The following KANK2 variants were observed in gnomAD, a reference collection of about 807,000 sequenced individuals.
KANK2 encodes KN motif and ankyrin repeat domains 2.
A neutral mutation model predicts 74.6 loss-of-function variants in KANK2; 41 were observed. The observed-to-expected ratio is 0.55, with a 90% CI of 0.43 to 0.71. The LOEUF (loss-of-function observed/expected upper bound fraction) is 0.71, where lower values mean the gene tolerates loss of function less well. Ranked by LOEUF, KANK2 falls within the 30% of genes least tolerant of loss-of-function variation. The pLI is 0.00. For missense variants in KANK2, 1,148 were observed against 1,196.4 expected (o/e 0.96, Z 0.60); for synonymous variants, 537 against 519.0 (o/e 1.03, Z -0.47).
intron 4 of KANK2, 107 bp from the exon 5 acceptor site, chr19:11,178,827 G>T: frequency 3.0e-6 from 3 of 1,012,558 alleles, no homozygotes; most frequent in Non-Finnish European, 2.8e-6. Context: ...GCTGATTTTT[G>T]TGTTACCACA....
At chr19:11,168,452 T>G (rs576999637) in intron 12 of KANK2, among the ~76,000 whole-genome samples, 1 of 151,992 alleles carries the variant, frequency 6.6e-6, no homozygotes, top group East Asian at 1.9e-4. Flanking sequence ...TGCACCTGTA[T>G]TTTTGGGGGA....
intron 12 of KANK2, 78 bp from the exon 13 acceptor site, chr19:11,166,689 G>T: frequency 1.4e-6 from 2 of 1,395,050 alleles, no homozygotes; most frequent in Non-Finnish European, 2.0e-6. Context: ...GGCTGGCCTG[G>T]TAGATATGAT....
chr19:11,192,702 T>C, intron 4 of KANK2, 129 bp downstream of exon 4: 1 of 1,164,564 alleles, frequency 8.6e-7, no homozygotes, highest in Non-Finnish European at 1.3e-6. Context: ...CCCAAAGTGC[T>C]GGGATTACAG....
chr19:11,174,635 C>A lies in KANK2; in HGVS notation c.1906G>T (p.Ala636Ser). ...EWLRLACRSD[A>S]HPELVRRHLV... ...TGCCGCCGCACCAGCTCGGGGTGTG[C>A]GTCGCTGCGGCAGGCCAGGCGCAGC... Residue 636 changes from alanine to serine, a missense_variant, in exon 9 of 13, where the codon GCA becomes TCA. Coordinates refer to ENST00000586659, the MANE Select transcript of KANK2 (RefSeq NM_001136191.3). The A allele has an allele frequency of 6.2e-7, 1 of 1,611,408 alleles. No individual in the cohort carries two copies. Among genetic ancestry groups the A allele is most frequent in the Non-Finnish European group, 8.5e-7 (1 of 1,179,316 alleles).
rs2078417958 is a variant in KANK2 at position 11,178,555 on chromosome 19, G to C, written c.1415C>G (p.Thr472Ser). The stretch of plus-strand genomic sequence containing the variant: ...CTTGGCGGCCACCCACCACTTACCG[G>C]TGCCCCCGGCCTCCTCGGACTCTTG... ...ASQESEEAGGTGGPPAGVRSI... is the reference protein window; with the variant it reads ...ASQESEEAGGSGGPPAGVRSI... Residue 472 changes from threonine (T) to serine (S), a missense_variant and splice_region_variant, in exon 5 of 13, where the codon ACC becomes AGC. Coordinates refer to ENST00000586659, the MANE Select transcript of KANK2 (RefSeq NM_001136191.3). 6 of 1,603,608 alleles carry C rather than the reference G, an allele frequency of 3.7e-6. No individual in the cohort carries two copies. The highest frequency in any genetic ancestry group is 5.1e-6 in the Non-Finnish European group (6 of 1,176,404).
intron 4 of KANK2, among the ~76,000 whole-genome samples, chr19:11,182,864 TA>T (rs1352274585): frequency 9.3e-6 from 1 of 107,106 alleles, no homozygotes; most frequent in African/African-American, 3.5e-5. Context: ...AAAAAAAAAG[TA>T]AAAAAAATCA....
rs1568638304 is a variant in KANK2, at chr19:11,164,717, TCCA to T, written c.*1838_*1840del. ...CAAACACCATCTATCTATTCATCCA[TCCA>T]TCCATCCATCCATCCATCCATCCAT... On this transcript the variant is annotated 3_prime_UTR_variant, in exon 13 of 13. Coordinates refer to ENST00000586659, the MANE Select transcript of KANK2 (RefSeq NM_001136191.3). 7 of 106,828 alleles carry T rather than the reference TCCA, an allele frequency of 6.6e-5. No individual in the cohort carries two copies. The highest frequency in any genetic ancestry group is 4.5e-4 in the Admixed American group (4 of 8,818). The allele number at this position is 106,828 out of a possible 1,614,324, so 6.6% of individuals were successfully genotyped here. A position where few individuals can be genotyped will look rare whatever the true frequency, so the allele number is the denominator to read the frequency against.
intron 1 of KANK2, chr19:11,196,443 C>T (rs2079022249): frequency 6.6e-6 from 1 of 152,356 alleles, no homozygotes; most frequent in Non-Finnish European, 1.5e-5. Context: ...GCAGAGGGTA[C>T]AGAAAGGTAC....
intron 4 of KANK2, among the ~76,000 whole-genome samples, chr19:11,180,486 A>G (rs1021753960): frequency 1.9e-4 from 29 of 152,012 alleles, no homozygotes; most frequent in African/African-American, 6.5e-4. Flanking sequence ...AATGCTGGAC[A>G]TAGGCAAAGA....
At position 11,192,844 on chromosome 19, in the gene KANK2, G is replaced by A. The variant is rs747084472; in HGVS notation, c.1236C>T (p.Cys412=). 6.9e-6 allele frequency: 11 copies of A among 1,596,954 alleles called. No individual in the cohort carries two copies. The highest frequency in any genetic ancestry group is 1.7e-5 in the Admixed American group (1 of 57,778). The part of the protein sequence containing the change: ...VKKISITERS[C]DGAAGLPEVP... ...GCGACCGCTTACCTGCTGCTCCATCGCAGCTTCGCTCTGTGATGCTAATCT... is the reference window on the plus strand; with the variant it reads ...GCGACCGCTTACCTGCTGCTCCATCACAGCTTCGCTCTGTGATGCTAATCT... Residue 412 remains cysteine, a synonymous_variant, in exon 4 of 13, where the codon TGC becomes TGT. Transcript: ENST00000586659.
chr19:11,195,119 G>A (rs912238578), intron 2 of KANK2: 5 of 152,478 alleles, frequency 3.3e-5, no homozygotes, highest in African/African-American at 1.2e-4. Flanking sequence ...GACTGGGTCG[G>A]GGGGAAGGGG....
At chr19:11,194,830 G>A in intron 2 of KANK2, 1 of 262,674 alleles carries the variant, frequency 3.8e-6, no homozygotes. Flanking sequence ...GCCCTGGACA[G>A]GCTCCAGCTG....
intron 1 of KANK2, chr19:11,196,392 A>G (rs2079020878): frequency 6.6e-6 from 1 of 152,334 alleles, no homozygotes; most frequent in Non-Finnish European, 1.5e-5. Context: ...TGACAATTCT[A>G]TGAGATGGGC....
rs200093308 is a variant in KANK2, at chr19:11,172,967, C to T, written c.2211+14G>A. The T allele has an allele frequency of 6.1e-5, 98 of 1,610,414 alleles. 1 individual carries two copies. The highest frequency in any genetic ancestry group is 5.1e-4 in the East Asian group (23 of 44,820). ...AAGAGCCACCTGGATCTGCAGCAGCCGGGGTCCCCATACCTGGCTGGCTTT... is the reference window on the plus strand; with the variant it reads ...AAGAGCCACCTGGATCTGCAGCAGCTGGGGTCCCCATACCTGGCTGGCTTT... On this transcript the variant is annotated intron_variant, in intron 10 of 12. Transcript: ENST00000586659.
Position 11,176,297 on chromosome 19 carries a change from C to A in KANK2, c.1760+281G>T, listed in dbSNP as rs532062205. ...AAAAAAGAGACATAAATAGAACAGA[C>A]AGGTAGAGGAAACGTCCCAAAGTAG... is the stretch of plus-strand genomic sequence containing the variant. On this transcript the variant is annotated intron_variant, in intron 7 of 12. Coordinates refer to ENST00000586659, the MANE Select transcript of KANK2 (RefSeq NM_001136191.3). Among the ~76,000 whole-genome samples, 3 of 152,286 alleles carry A rather than the reference C, an allele frequency of 2.0e-5. No homozygotes were observed. In the South Asian group the frequency reaches 6.2e-4, roughly 32 times the overall value.
At chr19:11,179,560 C>T (rs2078451856) in intron 4 of KANK2, among the ~76,000 whole-genome samples, 1 of 151,472 alleles carries the variant, frequency 6.6e-6, no homozygotes, top group African/African-American at 2.4e-5. Flanking sequence ...ATTGCTTGAA[C>T]CCGGGAGGCA....
chr19:11,173,077 A>C lies in KANK2; in HGVS notation c.2115T>G (p.Ile705Met). The C allele has an allele frequency of 1.2e-6, 2 of 1,614,118 alleles. No individual in the cohort carries two copies. The highest frequency in any genetic ancestry group is 3.3e-5 in the Admixed American group (2 of 60,018). ...DKQNRAGYSP[I>M]MLTALATLKT... ...TCAGGGTGGCCAGGGCGGTGAGCAT[A>C]ATAGGGCTGTAGCCAGCACGGTTCT... is the stretch of plus-strand genomic sequence containing the variant. Residue 705 changes from isoleucine (I) to methionine (M), a missense_variant, in exon 10 of 13, where the codon ATT (isoleucine) becomes ATG (methionine). By Grantham distance (10) the Ile-to-Met change is conservative. Transcript: ENST00000586659.
chr19:11,193,487 T>C lies in KANK2; in HGVS notation c.593A>G (p.Lys198Arg), dbSNP rs2078919059. ...CACCTGCTCCTCCAGCTGCCGCAGC[T>C]TCCGCAGGGCACCCGCCATCTGCTC... ...VREQMAGALRKLRQLEEQVKL... is the reference protein window; with the variant it reads ...VREQMAGALRRLRQLEEQVKL... The change falls in exon 4 of 13, where the codon AAG becomes AGG. Residue 198 changes from lysine to arginine, a missense_variant. Physicochemically the swap from Lys to Arg is conservative, Grantham distance 26 (BLOSUM62 2). Coordinates refer to ENST00000586659, the MANE Select transcript of KANK2 (RefSeq NM_001136191.3). The surrounding 1 kb of genome is among the most constrained non-coding windows in gnomAD (Gnocchi z 9.6). 1 of 1,610,946 alleles carries C rather than the reference T, an allele frequency of 6.2e-7. No homozygotes were observed.
At position 11,166,530 on chromosome 19, in the gene KANK2, G is replaced by C. The variant is rs1415678578; in HGVS notation, c.*28C>G. 6.2e-7 allele frequency: 1 copy of C among 1,608,722 alleles called. No individual in the cohort carries two copies. The highest frequency in any genetic ancestry group is 1.1e-5 in the South Asian group (1 of 91,000). ...GGGGACAAGGGACGGTTTGCTCCCG[G>C]TCTGGCTGGTCCCCGCCTCCCTCAC... On this transcript the variant is annotated 3_prime_UTR_variant, in exon 13 of 13. Coordinates refer to ENST00000586659, the MANE Select transcript of KANK2 (RefSeq NM_001136191.3).
Sources: gnomAD v4.1 joint callset for allele counts (sites outside exome capture counted in the v4.1 genomes callset) on GRCh38, gnomAD v4.1.1 for gene constraint, Gnocchi (gnomAD v3.1) non-coding constraint, MANE v1.5 for transcripts, NCBI Gene and HGNC (gene_info 2026-07-23, HGNC 2026-07-21) for gene names.